The following GRID1 variants were observed in gnomAD, a reference collection of about 807,000 sequenced individuals.
The protein encoded by GRID1 is glutamate receptor ionotropic, delta-1.
In GRID1, 28 loss-of-function variants were observed where a neutral mutation model predicts 98.0. That is an observed-to-expected ratio of 0.29 (90% CI 0.21 to 0.39). The LOEUF is 0.39. Ranked by LOEUF, GRID1 falls within the 10% of genes least tolerant of loss-of-function variation. The pLI is 1.00. For missense variants in GRID1, 1,111 were observed against 1,340.5 expected (o/e 0.83, Z 2.67); for synonymous variants, 553 against 538.5 (o/e 1.03, Z -0.37).
intron 4 of GRID1, among the ~76,000 whole-genome samples, chr10:86,005,572 A>T (rs1468624792): frequency 6.6e-6 from 1 of 152,344 alleles, no homozygotes; most frequent in East Asian, 1.9e-4. Context: ...AAAATCACTG[A>T]TAAATTAACC....
rs1477559311 is a variant in GRID1, at chr10:85,822,143, T to C, written c.1233+32353A>G. 5.3e-5 allele frequency among the ~76,000 whole-genome samples: 8 copies of C among 152,022 alleles called. No individual in the cohort carries two copies. The East Asian group carries it at 1.5e-3, about 29-fold the overall frequency. On this transcript the variant is annotated intron_variant, in intron 8 of 15. Coordinates refer to ENST00000327946, the MANE Select transcript of GRID1 (RefSeq NM_017551.3). The stretch of plus-strand genomic sequence containing the variant: ...TAGGCATGGGCAAGGACTTCATGTC[T>C]AAAACACCAAAAGCAATGGCAACAA...
At chr10:86,045,575 G>A (rs1843411350) in intron 4 of GRID1, among the ~76,000 whole-genome samples, 1 of 152,248 alleles carries the variant, frequency 6.6e-6, no homozygotes, top group South Asian at 2.1e-4. Flanking sequence ...AGAAGCATAT[G>A]GGGCTCCTGA....
intron 12 of GRID1, among the ~76,000 whole-genome samples, chr10:85,649,508 T>A (rs191584227): frequency 9.9e-5 from 15 of 152,182 alleles, no homozygotes; most frequent in African/African-American, 3.4e-4. Flanking sequence ...TCCACATTTT[T>A]AAAATTTTTT....
intron 2 of GRID1, among the ~76,000 whole-genome samples, chr10:86,325,015 T>C (rs1409479169): frequency 2.0e-5 from 3 of 152,124 alleles, no homozygotes; most frequent in Non-Finnish European, 2.9e-5. Context: ...ACACCAAAAA[T>C]ATAAGTCATG....
At chr10:86,218,621 G>T (rs183772070) in intron 2 of GRID1, among the ~76,000 whole-genome samples, 175 of 152,302 alleles carry the variant, frequency 1.1e-3, no homozygotes, top group Non-Finnish European at 1.6e-3. Flanking sequence ...CTGTTCCCCT[G>T]CCAGAAGCTC....
chr10:86,007,866 A>C (rs773489155), intron 4 of GRID1, among the ~76,000 whole-genome samples: 1 of 148,252 alleles, frequency 6.7e-6, no homozygotes, highest in Non-Finnish European at 1.5e-5. Context: ...GGTTAGGGGG[A>C]GTTGTCACAA....
chr10:85,666,866 C>T (rs541036565), intron 12 of GRID1, among the ~76,000 whole-genome samples: 2 of 152,168 alleles, frequency 1.3e-5, no homozygotes, highest in Non-Finnish European at 2.9e-5. Context: ...ACCCAGGTCT[C>T]GCACTAACAC....
chr10:86,164,451 A>G (rs1412325313), intron 3 of GRID1, among the ~76,000 whole-genome samples: 1 of 152,182 alleles, frequency 6.6e-6, no homozygotes, highest in Non-Finnish European at 1.5e-5. Context: ...TGCACAGGAT[A>G]AATATCTACT....
intron 4 of GRID1, among the ~76,000 whole-genome samples, chr10:86,023,535 AG>A (rs1287782494): frequency 2.0e-5 from 3 of 152,072 alleles, no homozygotes; most frequent in Non-Finnish European, 2.9e-5. Context: ...CTGCTTCTCC[AG>A]GTCCCTGTCC....
intron 8 of GRID1, among the ~76,000 whole-genome samples, chr10:85,803,808 C>G (rs1297237396): frequency 6.6e-6 from 1 of 151,970 alleles, no homozygotes; most frequent in Non-Finnish European, 1.5e-5. Flanking sequence ...GGGTATCCAT[C>G]ACCTCACACA....
At chr10:86,141,917 G>A (rs532715607) in intron 3 of GRID1, among the ~76,000 whole-genome samples, 1 of 152,242 alleles carries the variant, frequency 6.6e-6, no homozygotes, top group African/African-American at 2.4e-5. Flanking sequence ...CTAATCCCAG[G>A]CTTTTTGTTC....
intron 4 of GRID1, among the ~76,000 whole-genome samples, chr10:86,002,548 T>C (rs1334970314): frequency 6.6e-6 from 1 of 152,152 alleles, no homozygotes; most frequent in African/African-American, 2.4e-5. Flanking sequence ...CCTAGCCTTT[T>C]CACAAAATTA....
At chr10:85,966,037 C>A (rs184595087) in intron 4 of GRID1, among the ~76,000 whole-genome samples, 1 of 152,116 alleles carries the variant, frequency 6.6e-6, no homozygotes, top group Non-Finnish European at 1.5e-5. Context: ...GAGTTTGGAG[C>A]GTCTTAAAAA....
In GRID1 at chr10:85,602,441, C is replaced by A. The variant is rs772061334; in HGVS notation, c.2862G>T (p.Pro954=). 1.9e-6 allele frequency: 3 copies of A among 1,614,012 alleles called. No homozygotes were observed. The highest frequency in any genetic ancestry group is 2.7e-5 in the African/African-American group (2 of 74,942). Reference sequence around the variant, plus strand: ...AGGGCATGGTCGCCGAGCTGCTCAGCGGCAGCGGCAGGTTGCTGCTGGGCC... The same window carrying A: ...AGGGCATGGTCGCCGAGCTGCTCAGAGGCAGCGGCAGGTTGCTGCTGGGCC... ...SSGPSSNLPL[P]LSSSATMPSM... is the part of the protein sequence containing the mutation. The change falls in exon 16 of 16, where the codon CCG becomes CCT. Residue 954 remains proline (P), a synonymous_variant. Coordinates refer to ENST00000327946, the MANE Select transcript of GRID1 (RefSeq NM_017551.3).
At chr10:85,731,126 G>C in intron 8 of GRID1, among the ~76,000 whole-genome samples, 1 of 152,116 alleles carries the variant, frequency 6.6e-6, no homozygotes, top group East Asian at 1.9e-4. Flanking sequence ...AACCTGAGGA[G>C]TCATTCCTCC....
At position 85,660,270 on chromosome 10, in the gene GRID1, T is replaced by C. The variant is rs188069296; in HGVS notation, c.1998-12873A>G. ...GGATAGAGCATGGTCCTGTTTTTTGTTCTTTGAGGTAATTATTCATCCCAT... is the reference window on the plus strand; with the variant it reads ...GGATAGAGCATGGTCCTGTTTTTTGCTCTTTGAGGTAATTATTCATCCCAT... On this transcript the variant is annotated intron_variant, in intron 12 of 15. Coordinates refer to ENST00000327946, the MANE Select transcript of GRID1 (RefSeq NM_017551.3). Among the ~76,000 whole-genome samples the C allele has an allele frequency of 5.6e-4, 86 of 152,330 alleles. 1 individual carries two copies. Among genetic ancestry groups the C allele is most frequent in the African/African-American group, 2.0e-3 (83 of 41,576 alleles).
chr10:86,020,572 CAA>C (rs543016555), intron 4 of GRID1, among the ~76,000 whole-genome samples: 266 of 152,314 alleles, frequency 1.7e-3, no homozygotes, highest in Non-Finnish European at 3.2e-3. Flanking sequence ...AAAATGGAGT[CAA>C]GAGTGTGGAG....
At chr10:86,311,506 T>G (rs1037510385) in intron 2 of GRID1, among the ~76,000 whole-genome samples, 1 of 152,096 alleles carries the variant, frequency 6.6e-6, no homozygotes, top group Admixed American at 6.5e-5. Context: ...CATTTGGGCC[T>G]CTCTAGCCAG....
chr10:85,648,497 A>C (rs1345118923), intron 12 of GRID1, among the ~76,000 whole-genome samples: 1 of 151,964 alleles, frequency 6.6e-6, no homozygotes. Context: ...AACAACCCAC[A>C]TCATCATCCC....
Sources: gnomAD v4.1 joint callset for allele counts (sites outside exome capture counted in the v4.1 genomes callset) on GRCh38, gnomAD v4.1.1 for gene constraint, MANE v1.5 for transcripts, NCBI Gene and HGNC (gene_info 2026-07-23, HGNC 2026-07-21) for gene names.